FARS2: variants seen among roughly 807,000 people sequenced by gnomAD.
FARS2 encodes phenylalanine--tRNA ligase, mitochondrial.
Under a neutral mutation model 46.4 loss-of-function variants are expected in FARS2, and 40 were observed. The ratio of observed to expected loss-of-function variants is 0.86; its 90% confidence interval spans 0.67 to 1.12. The LOEUF (loss-of-function observed/expected upper bound fraction) is 1.12. Ranked by LOEUF, FARS2 falls within the 50% of genes most tolerant of loss-of-function variation. The pLI is 0.00. For missense variants in FARS2, 513 were observed against 567.9 expected (o/e 0.90, Z 0.98); for synonymous variants, 234 against 214.9 (o/e 1.09, Z -0.78).
intron 4 of FARS2, among the ~76,000 whole-genome samples, chr6:5,501,575 C>T (rs1767802530): frequency 6.6e-6 from 1 of 152,122 alleles, no homozygotes; most frequent in African/African-American, 2.4e-5. Context: ...CAGCTCACTG[C>T]AACCTCCACC....
At chr6:5,770,733 A>G (rs1277862768) in intron 6 of FARS2, among the ~76,000 whole-genome samples, 1 of 152,202 alleles carries the variant, frequency 6.6e-6, no homozygotes, top group African/African-American at 2.4e-5. Flanking sequence ...TAAAGGAGAG[A>G]CTAAAGTAAT....
intron 5 of FARS2, among the ~76,000 whole-genome samples, chr6:5,553,094 G>A (rs1365567382): frequency 6.6e-6 from 1 of 152,156 alleles, no homozygotes; most frequent in Non-Finnish European, 1.5e-5. Context: ...TATCCATGGT[G>A]GCTTACAAGG....
intron 6 of FARS2, among the ~76,000 whole-genome samples, chr6:5,652,466 G>A (rs1777414488): frequency 6.6e-6 from 1 of 152,240 alleles, no homozygotes; most frequent in South Asian, 2.1e-4. Flanking sequence ...ATCTTCCTAG[G>A]AACTCGGTAA....
At chr6:5,545,422 T>C (rs1297921297) in intron 5 of FARS2, 82 bp downstream of exon 5, 1 of 967,674 alleles carries the variant, frequency 1.0e-6, no homozygotes, top group Non-Finnish European at 1.5e-6. Context: ...TGAAAGCCAC[T>C]GAATTTTATT....
chr6:5,762,687 G>A (rs1681733316), intron 6 of FARS2, among the ~76,000 whole-genome samples: 1 of 152,242 alleles, frequency 6.6e-6, no homozygotes, highest in African/African-American at 2.4e-5. Flanking sequence ...GGCCCGGCGG[G>A]GGAGGCCCTC....
chr6:5,667,266 T>C (rs1479764379), intron 6 of FARS2, among the ~76,000 whole-genome samples: 1 of 152,202 alleles, frequency 6.6e-6, no homozygotes, highest in African/African-American at 2.4e-5. Context: ...ACGCCTGTAA[T>C]CCCAGCCCTT....
intron 6 of FARS2, among the ~76,000 whole-genome samples, chr6:5,650,924 C>T (rs527612768): frequency 2.6e-5 from 4 of 152,296 alleles, no homozygotes; most frequent in Middle Eastern, 3.4e-3. Flanking sequence ...ACTGGTTTTG[C>T]GAGCTTCCAC....
At chr6:5,379,752 G>A (rs1171685237) in intron 2 of FARS2, among the ~76,000 whole-genome samples, 1 of 152,248 alleles carries the variant, frequency 6.6e-6, no homozygotes, top group Non-Finnish European at 1.5e-5. Flanking sequence ...GGCCATTGGA[G>A]GAGCTGTGTT....
At chr6:5,349,351 G>A (rs1161053219) in intron 1 of FARS2, among the ~76,000 whole-genome samples, 2 of 152,160 alleles carry the variant, frequency 1.3e-5, no homozygotes, top group South Asian at 2.1e-4. Context: ...GGAGAGACAC[G>A]TTGTGCTCAC....
intron 1 of FARS2, among the ~76,000 whole-genome samples, chr6:5,356,467 TGATA>T (rs1049405903): frequency 2.6e-5 from 4 of 151,928 alleles, no homozygotes; most frequent in African/African-American, 7.3e-5. Context: ...GGTAGATAGA[TGATA>T]GATAGATAGA....
intron 1 of FARS2, among the ~76,000 whole-genome samples, chr6:5,275,394 T>C (rs1766265709): frequency 6.6e-6 from 1 of 152,218 alleles, no homozygotes; most frequent in African/African-American, 2.4e-5. Flanking sequence ...TACCTTAACT[T>C]TTTATAATTT....
At chr6:5,563,072 G>A (rs112666131) in intron 5 of FARS2, among the ~76,000 whole-genome samples, 19 of 146,316 alleles carry the variant, frequency 1.3e-4, no homozygotes, top group South Asian at 4.7e-4. Context: ...AAGCTCCCCC[G>A]TACAGAGACA....
intron 6 of FARS2, among the ~76,000 whole-genome samples, chr6:5,686,046 G>A (rs1350488948): frequency 6.6e-6 from 1 of 152,146 alleles, no homozygotes; most frequent in Non-Finnish European, 1.5e-5. Flanking sequence ...GCTCCCAGAA[G>A]CACGCCCAAG....
chr6:5,312,811 C>T (rs1483795171), intron 1 of FARS2, among the ~76,000 whole-genome samples: 1 of 152,188 alleles, frequency 6.6e-6, no homozygotes, highest in African/African-American at 2.4e-5. Flanking sequence ...AAAGACACAG[C>T]CCTTTTTTTT....
At chr6:5,256,326 C>T (rs560469031), upstream of FARS2, among the ~76,000 whole-genome samples, 32 of 151,552 alleles carry the variant, frequency 2.1e-4, no homozygotes, top group Non-Finnish European at 4.1e-4. Flanking sequence ...CCCGCCTCTA[C>T]TAAAAATACA....
chr6:5,705,775 T>A (rs903124370), intron 6 of FARS2, among the ~76,000 whole-genome samples: 2 of 152,208 alleles, frequency 1.3e-5, no homozygotes, highest in African/African-American at 4.8e-5. Context: ...CTCGCGCCCC[T>A]GTGCCTCCCC....
At chr6:5,562,997 GT>G (rs1772097855) in intron 5 of FARS2, among the ~76,000 whole-genome samples, 1 of 151,052 alleles carries the variant, frequency 6.6e-6, no homozygotes, top group African/African-American at 2.4e-5. Flanking sequence ...TTTCTTTTTT[GT>G]TTTTGTGGTT....
intron 5 of FARS2, among the ~76,000 whole-genome samples, chr6:5,593,160 G>T (rs192980435): frequency 1.3e-5 from 2 of 152,274 alleles, no homozygotes; most frequent in Admixed American, 1.3e-4. Flanking sequence ...GTGAGGAGGG[G>T]TGGACAGAAC....
intron 6 of FARS2, among the ~76,000 whole-genome samples, chr6:5,730,772 C>G (rs1760571440): frequency 6.6e-6 from 1 of 152,178 alleles, no homozygotes; most frequent in South Asian, 2.1e-4. Flanking sequence ...AGTAATCTTA[C>G]CTCCCCTAAC....
Sources: gnomAD v4.1 joint callset for allele counts (sites outside exome capture counted in the v4.1 genomes callset) on GRCh38, gnomAD v4.1.1 for gene constraint, MANE v1.5 for transcripts, NCBI Gene and HGNC (gene_info 2026-07-23, HGNC 2026-07-21) for gene names.